The following GCM2 variants were observed in gnomAD, a reference collection of about 807,000 sequenced individuals.
GCM2 encodes the protein GCM transcription factor 2, also known as chorion-specific transcription factor GCMb.
GCM2 carries 21 observed loss-of-function variants against 24.8 expected under a neutral mutation model. That is an observed-to-expected ratio of 0.85 (90% confidence interval 0.60 to 1.22). The LOEUF (loss-of-function observed/expected upper bound fraction) is 1.22, where lower values mean the gene tolerates loss of function less well. Ranked by LOEUF, GCM2 falls within the 50% of genes most tolerant of loss-of-function variation. The pLI is 0.00. For missense variants in GCM2, 532 were observed against 645.6 expected, an observed-to-expected ratio of 0.82 and a Z score of 1.91; for synonymous variants, 222 against 238.0, an observed-to-expected ratio of 0.93 and a Z score of 0.62.
In GCM2 at chr6:10,874,409, G is replaced by A. The variant is rs747952836; in HGVS notation, c.1107C>T (p.Leu369=). 2 of 1,614,244 alleles carry A rather than the reference G, an allele frequency of 1.2e-6. No homozygotes were observed. The highest frequency in any genetic ancestry group is 2.2e-5 in the South Asian group (2 of 91,088). The change falls in exon 5 of 5, where the codon CTC becomes CTT. Residue 369 remains leucine (L), a synonymous_variant. Coordinates refer to ENST00000379491, the MANE Select transcript of GCM2 (RefSeq NM_004752.4). ...YYNPELPCRY[L]TTPPPGAPAL... ...CAGGGGCACCTGGTGGTGGAGTCGT[G>A]AGGTACCTGCAGGGAAGCTCTGGGT... is the stretch of plus-strand genomic sequence containing the variant.
intron 3 of GCM2, 21 bp from the exon 4 acceptor site, chr6:10,876,037 A>C: frequency 6.2e-7 from 1 of 1,613,814 alleles, no homozygotes. Context: ...GAGAAAATGA[A>C]TCATACATTT....
Position 10,881,804 on chromosome 6 carries a change from C to T in GCM2, c.-11G>A, listed in dbSNP as rs761575757. The T allele has an allele frequency of 8.1e-6, 13 of 1,604,690 alleles. No individual in the cohort carries two copies. The highest frequency in any genetic ancestry group is 8.5e-6 in the Non-Finnish European group (10 of 1,178,770). On this transcript the variant is annotated 5_prime_UTR_variant, in exon 1 of 5. Coordinates refer to ENST00000379491, the MANE Select transcript of GCM2 (RefSeq NM_004752.4). Reference sequence around the variant, plus strand: ...CGCGGCCGCCGGCATCTGCCCAACTCGCTCGCGCTTTCCGCCCAGGGTTCT... The same window carrying T: ...CGCGGCCGCCGGCATCTGCCCAACTTGCTCGCGCTTTCCGCCCAGGGTTCT...
chr6:10,876,390 C>T (rs1287365150), intron 3 of GCM2, 55 bp downstream of exon 3: 2 of 1,170,554 alleles, frequency 1.7e-6, no homozygotes, highest in Non-Finnish European at 2.6e-6. Context: ...GGTGGTTTGG[C>T]CTTTGTGGTC....
rs1186418888 is a variant in GCM2 at position 10,881,552 on chromosome 6, GTA to G, written c.90+150_90+151del. 3,596 of 402,314 alleles carry G rather than the reference GTA, an allele frequency of 8.9e-3. 586 individuals carry two copies. Among genetic ancestry groups the G allele is most frequent in the South Asian group, 0.017 (666 of 39,644 alleles). 24.9% of individuals were successfully genotyped at this position (402,314 alleles called of 1,614,324 possible). On this transcript the variant is annotated intron_variant, in intron 1 of 4. Transcript: ENST00000379491. ...CCTCAGAAACCCAGAAATTTTGCGGGTATGTGTGTGTGTGTGTGTGTGTGTGT... is the reference window on the plus strand; with the variant it reads ...CCTCAGAAACCCAGAAATTTTGCGGGTGTGTGTGTGTGTGTGTGTGTGTGT...
intron 1 of GCM2, among the ~76,000 whole-genome samples, chr6:10,881,046 C>T (rs1038412863): frequency 6.6e-6 from 1 of 152,000 alleles, no homozygotes; most frequent in African/African-American, 2.4e-5. Context: ...GACAGGCGTC[C>T]CGCTCTCCCC....
At position 10,877,197 on chromosome 6, in the gene GCM2, C is replaced by G. The variant is rs550449754; in HGVS notation, c.286G>C (p.Gly96Arg). ...VCTQACTLPD[G>R]SRLQLRPAIC... is the part of the protein sequence containing the mutation. ...GCCGGCCTCAGCTGCAGGCGGGAACCGTCGGGCAGGGTGCAGGCCTGTGTA... is the reference window on the plus strand; with the variant it reads ...GCCGGCCTCAGCTGCAGGCGGGAACGGTCGGGCAGGGTGCAGGCCTGTGTA... Residue 96 changes from glycine to arginine, a missense_variant, in exon 2 of 5, where the codon GGT (glycine) becomes CGT (arginine). Transcript: ENST00000379491. 2.5e-6 allele frequency: 4 copies of G among 1,614,056 alleles called. No homozygotes were observed. Among genetic ancestry groups the G allele is most frequent in the Non-Finnish European group, 3.4e-6 (4 of 1,180,056 alleles).
chr6:10,874,135 C>CA lies in GCM2; in HGVS notation c.1380dup (p.Val461CysfsTer11), dbSNP rs1779840990. ...GAAACTGGCTCGTGGGGAATAGCCA[C>CA]AGTGGGTCTGATGGCCCGGCAATCT... is the stretch of plus-strand genomic sequence containing the variant. On this transcript the variant is annotated frameshift_variant, in exon 5 of 5. Coordinates refer to ENST00000379491, the MANE Select transcript of GCM2 (RefSeq NM_004752.4). LOFTEE classifies it low-confidence loss of function (END_TRUNC). 6.2e-7 allele frequency: 1 copy of CA among 1,614,086 alleles called. No individual in the cohort carries two copies. The highest frequency in any genetic ancestry group is 1.3e-5 in the African/African-American group (1 of 74,930).
In GCM2 at chr6:10,881,867, G is replaced by T. The variant is rs2153156; in HGVS notation, c.-74C>A. The stretch of plus-strand genomic sequence containing the variant: ...AAAAAAGGACAGGTGCGCCAGGTGG[G>T]TTTTTTTTCTTCTCTTTAAAGAAGA... On this transcript the variant is annotated 5_prime_UTR_variant, in exon 1 of 5. Transcript: ENST00000379491. The T allele has an allele frequency of 2.5e-4, 306 of 1,212,580 alleles. 6 individuals are homozygous for T. Among genetic ancestry groups the T allele is most frequent in the Non-Finnish European group, 3.3e-4 (279 of 835,526 alleles). The allele number at this position is 1,212,580 out of a possible 1,614,324, so 75.1% of individuals were successfully genotyped here.
In GCM2 at chr6:10,876,427, T is replaced by G; in HGVS notation, c.456+18A>C. Reference sequence around the variant, plus strand: ...GATGAAAAGTATCCATCACAAATTGTGTTCTCACCTGACCTACCTGAAAAA... The same window carrying G: ...GATGAAAAGTATCCATCACAAATTGGGTTCTCACCTGACCTACCTGAAAAA... On this transcript the variant is annotated intron_variant, in intron 3 of 4. Coordinates refer to ENST00000379491, the MANE Select transcript of GCM2 (RefSeq NM_004752.4). 6.7e-7 allele frequency: 1 copy of G among 1,499,338 alleles called. No individual in the cohort carries two copies. The highest frequency in any genetic ancestry group is 9.3e-7 in the Non-Finnish European group (1 of 1,075,248). 92.9% of individuals were successfully genotyped at this position (1,499,338 alleles called of 1,614,324 possible). A position where few individuals can be genotyped will look rare whatever the true frequency, so the allele number is the denominator to read the frequency against.
Position 10,881,767 on chromosome 6 carries a change from C to G in GCM2, c.27G>C (p.Ala9=), listed in dbSNP as rs1318345033. The G allele has an allele frequency of 1.2e-6, 2 of 1,609,978 alleles. No homozygotes were observed. The highest frequency in any genetic ancestry group is 2.2e-5 in the South Asian group (2 of 91,076). Reference sequence around the variant, plus strand: ...GCATCCCGTAGGAGCACACGCCGACCGCTTCCTGCACCGCGGCCGCCGGCA... The same window carrying G: ...GCATCCCGTAGGAGCACACGCCGACGGCTTCCTGCACCGCGGCCGCCGGCA... MPAAAVQE[A]VGVCSYGMQL... The change falls in exon 1 of 5, where the codon GCG becomes GCC. Residue 9 remains alanine, a synonymous_variant. Coordinates refer to ENST00000379491, the MANE Select transcript of GCM2 (RefSeq NM_004752.4).
Position 10,877,407 on chromosome 6 carries a change from A to G in GCM2, c.91-15T>C. 1.2e-6 allele frequency: 2 copies of G among 1,614,068 alleles called. No homozygotes were observed. The highest frequency in any genetic ancestry group is 1.7e-6 in the Non-Finnish European group (2 of 1,179,972). ...AGGGCCAGCTCCTGGAAGAGTGCAG[A>G]AGGAAGGGTGGTCAGTCTATCCAGT... On this transcript the variant is annotated splice_polypyrimidine_tract_variant and intron_variant, in intron 1 of 4. Transcript: ENST00000379491.
rs531471709 is a variant in GCM2, at chr6:10,881,690, C to A, written c.90+14G>T. 6 of 1,602,546 alleles carry A rather than the reference C, an allele frequency of 3.7e-6. No homozygotes were observed. In the African/African-American group the frequency reaches 6.7e-5, roughly 18 times the overall value. ...ACAGCGCCCCGCGTGCCCGCACACA[C>A]CCGGTTCACTTACCTGAGGCATCTG... On this transcript the variant is annotated intron_variant, in intron 1 of 4. Coordinates refer to ENST00000379491, the MANE Select transcript of GCM2 (RefSeq NM_004752.4).
chr6:10,875,737 T>G (rs1160549950), intron 4 of GCM2, among the ~76,000 whole-genome samples, 154 bp downstream of exon 4: 1 of 152,210 alleles, frequency 6.6e-6, no homozygotes, highest in Non-Finnish European at 1.5e-5. Flanking sequence ...CCTGTCCAAA[T>G]GTTGATTTAA....
chr6:10,875,452 T>A (rs1779864271), intron 4 of GCM2, among the ~76,000 whole-genome samples: 1 of 152,210 alleles, frequency 6.6e-6, no homozygotes. Flanking sequence ...ATCCTTACAC[T>A]AACACTCTGC....
rs35911329 is a variant in GCM2 at position 10,881,554 on chromosome 6, ATGTGTGTGTGTGTGTGTG to A, written c.90+132_90+149del. 0.19 allele frequency: 82,998 copies of A among 428,360 alleles called. 5,209 individuals carry two copies. Among genetic ancestry groups the A allele is most frequent in the East Asian group, 0.42 (9,405 of 22,662 alleles). 26.5% of individuals were successfully genotyped at this position (428,360 alleles called of 1,614,324 possible). A position where few individuals can be genotyped will look rare whatever the true frequency, so the allele number is the denominator to read the frequency against. ...TCAGAAACCCAGAAATTTTGCGGGT[ATGTGTGTGTGTGTGTGTG>A]TGTGTGTGTGTGTGTGTGTGTGTGT... On this transcript the variant is annotated intron_variant, in intron 1 of 4. Transcript: ENST00000379491.
chr6:10,880,880 T>C (rs907678186), intron 1 of GCM2, among the ~76,000 whole-genome samples: 3 of 152,194 alleles, frequency 2.0e-5, no homozygotes, highest in Non-Finnish European at 4.4e-5. Context: ...ATTTAGGTCA[T>C]TAGATTCACT....
chr6:10,875,973 T>G lies in GCM2; in HGVS notation c.500A>C (p.Glu167Ala), dbSNP rs1272139774. ...GATGGCGCTTCTTCTAGCTTCTGTC[T>G]CTGATTTGCTCTCTGGTCTTGGATG... The part of the protein sequence containing the change: ...HDHPRPESKS[E>A]TEARRSAIKR... Residue 167 changes from glutamate (E) to alanine (A), a missense_variant, in exon 4 of 5, where the codon GAG becomes GCG. Transcript: ENST00000379491. 1 of 1,613,788 alleles carries G rather than the reference T, an allele frequency of 6.2e-7. No individual in the cohort carries two copies. Among genetic ancestry groups the G allele is most frequent in the East Asian group, 2.2e-5 (1 of 44,882 alleles).
intron 4 of GCM2, 142 bp downstream of exon 4, chr6:10,875,749 G>T: frequency 1.2e-6 from 1 of 833,822 alleles, no homozygotes; most frequent in Non-Finnish European, 2.0e-6. Flanking sequence ...TTGATTTAAT[G>T]ATATTTTGTT....
intron 1 of GCM2, among the ~76,000 whole-genome samples, chr6:10,878,320 C>A (rs1779910817): frequency 6.6e-6 from 1 of 151,960 alleles, no homozygotes; most frequent in Non-Finnish European, 1.5e-5. Context: ...CTGAGCACTT[C>A]CTTTTTTCTT....
Sources: allele counts gnomAD v4.1 joint callset (sites outside exome capture counted in the v4.1 genomes callset), GRCh38; gene constraint gnomAD v4.1.1; transcripts MANE v1.5; gene names NCBI Gene and HGNC (gene_info 2026-07-23, HGNC 2026-07-21).